Variants in RSPO2 observed in about 807,000 individuals in gnomAD.
RSPO2 encodes R-spondin-2.
RSPO2 carries 14 observed loss-of-function variants against 30.9 expected under a neutral mutation model. The observed-to-expected ratio is 0.45, with a 90% CI of 0.30 to 0.71. RSPO2 has a LOEUF of 0.71. RSPO2 is among the 30% of genes least tolerant of loss of function. RSPO2 has a pLI of 0.08. For synonymous variants in RSPO2, 107 were observed against 96.4 expected, an observed-to-expected ratio of 1.11 and a Z score of -0.64; for missense variants, 264 against 301.9, an observed-to-expected ratio of 0.87 and a Z score of 0.93.
chr8:107,969,084 G>A (rs942722168), intron 3 of RSPO2, among the ~76,000 whole-genome samples: 1 of 152,094 alleles, frequency 6.6e-6, no homozygotes, highest in African/African-American at 2.4e-5. Context: ...GACCTGGGGT[G>A]TGGGGACAGA....
chr8:107,974,098 C>T (rs970303083), intron 3 of RSPO2, among the ~76,000 whole-genome samples: 3 of 152,048 alleles, frequency 2.0e-5, no homozygotes, highest in African/African-American at 7.2e-5. Flanking sequence ...TACAGGGGTG[C>T]CAACTTCATA....
chr8:108,015,473 T>C (rs1023423754), intron 2 of RSPO2, among the ~76,000 whole-genome samples: 1 of 152,128 alleles, frequency 6.6e-6, no homozygotes, highest in African/African-American at 2.4e-5. Flanking sequence ...GAGCAAACAG[T>C]AGTCGGGTTC....
At chr8:108,014,286 G>A (rs1163644612) in intron 2 of RSPO2, among the ~76,000 whole-genome samples, 2 of 152,120 alleles carry the variant, frequency 1.3e-5, no homozygotes, top group African/African-American at 2.4e-5. Flanking sequence ...AGAGTGTGGC[G>A]ATTCCTCAAG....
chr8:108,064,347 C>A (rs1347194539), intron 2 of RSPO2, among the ~76,000 whole-genome samples: 1 of 152,096 alleles, frequency 6.6e-6, no homozygotes, highest in Non-Finnish European at 1.5e-5. Context: ...ACAACCCCAT[C>A]CAAAAGTGGG....
At chr8:108,020,157 G>A (rs945371838) in intron 2 of RSPO2, among the ~76,000 whole-genome samples, 34 of 151,398 alleles carry the variant, frequency 2.2e-4, no homozygotes, top group Middle Eastern at 3.2e-3. Context: ...ACCTCTCAGG[G>A]AACAAAAACT....
At chr8:108,003,574 A>G (rs150410138) in intron 2 of RSPO2, among the ~76,000 whole-genome samples, 3 of 151,904 alleles carry the variant, frequency 2.0e-5, no homozygotes, top group African/African-American at 7.2e-5. Context: ...GACCGACCCA[A>G]TTTGAAATCT....
intron 2 of RSPO2, among the ~76,000 whole-genome samples, chr8:108,037,090 A>G (rs1811622172): frequency 6.6e-6 from 1 of 152,198 alleles, no homozygotes. Context: ...GAGGAGTCCT[A>G]TATCTCTCAC....
At chr8:108,063,586 C>T (rs550981209) in intron 2 of RSPO2, among the ~76,000 whole-genome samples, 1 of 151,856 alleles carries the variant, frequency 6.6e-6, no homozygotes, top group East Asian at 1.9e-4. Flanking sequence ...GAATCAATAT[C>T]ATGAAAATGG....
intron 2 of RSPO2, among the ~76,000 whole-genome samples, chr8:108,062,946 A>G (rs1339941360): frequency 3.3e-5 from 5 of 151,924 alleles, no homozygotes; most frequent in Admixed American, 2.6e-4. Flanking sequence ...CATTATCTCA[A>G]TAGATGCAGA....
chr8:107,909,903 A>C (rs1811768422), intron 5 of RSPO2, among the ~76,000 whole-genome samples: 1 of 152,154 alleles, frequency 6.6e-6, no homozygotes, highest in Non-Finnish European at 1.5e-5. Context: ...ATTTTCATTT[A>C]ATTGAATGTT....
At chr8:107,979,360 G>A (rs1018938502) in intron 3 of RSPO2, among the ~76,000 whole-genome samples, 3 of 152,170 alleles carry the variant, frequency 2.0e-5, no homozygotes, top group Admixed American at 2.0e-4. Context: ...CATAAAAAAG[G>A]ATGAGTTCAT....
chr8:108,022,109 T>G (rs914855269), intron 2 of RSPO2, among the ~76,000 whole-genome samples: 4 of 152,176 alleles, frequency 2.6e-5, no homozygotes, highest in Admixed American at 2.6e-4. Flanking sequence ...CCCTCCAGTA[T>G]GTGCTTTAGG....
In RSPO2 at chr8:108,041,529, T is replaced by C. The variant is rs570784655; in HGVS notation, c.94+41016A>G. 3.9e-5 allele frequency among the ~76,000 whole-genome samples: 6 copies of C among 152,070 alleles called. No individual in the cohort carries two copies. In the East Asian group the frequency reaches 7.7e-4, roughly 20 times the overall value. ...GAAGAAAAAAATAAATTTAGAAGAA[T>C]TGATGAATAAAGCAGCTTTTAAGAA... On this transcript the variant is annotated intron_variant, in intron 2 of 5. Transcript: ENST00000276659.
chr8:108,026,521 A>G lies in RSPO2; in HGVS notation c.95-37277T>C, dbSNP rs761382638. Among the ~76,000 whole-genome samples, 3 of 152,242 alleles carry G rather than the reference A, an allele frequency of 2.0e-5. No homozygotes were observed. In the South Asian group the frequency reaches 6.2e-4, roughly 32 times the overall value. On this transcript the variant is annotated intron_variant, in intron 2 of 5. Transcript: ENST00000276659. ...TGAGAATCATGTCTCCAACTTATAA[A>G]ATTTCAGAAAAAATAGAGAAATATA...
At chr8:108,082,356 C>T (rs1463675245) in intron 2 of RSPO2, among the ~76,000 whole-genome samples, 189 bp downstream of exon 2, 1 of 152,190 alleles carries the variant, frequency 6.6e-6, no homozygotes, top group Non-Finnish European at 1.5e-5. Context: ...CTCCCCGCGC[C>T]TCCAGGGTAC....
rs113177365 is a variant in RSPO2 at position 107,988,692 on chromosome 8, A to G, written c.283+364T>C. ...GCCCAGGCTAGAGCACAGCGGTGCT[A>G]TCTCAGCTCACTGCAACCTCCGCCT... is the stretch of plus-strand genomic sequence containing the variant. On this transcript the variant is annotated intron_variant, in intron 3 of 5. Coordinates refer to ENST00000276659, the MANE Select transcript of RSPO2 (RefSeq NM_178565.5). Among the ~76,000 whole-genome samples the G allele has an allele frequency of 6.8e-3, 1,035 of 152,168 alleles. 15 individuals carry two copies. Among genetic ancestry groups the G allele is most frequent in the African/African-American group, 0.023 (965 of 41,510 alleles).
chr8:107,960,092 T>C (rs1189868107), intron 4 of RSPO2, among the ~76,000 whole-genome samples: 2 of 152,144 alleles, frequency 1.3e-5, no homozygotes, highest in Non-Finnish European at 2.9e-5. Context: ...CAAGGTATTT[T>C]ACCAACTCTC....
intron 2 of RSPO2, among the ~76,000 whole-genome samples, chr8:108,042,688 A>T (rs890838935): frequency 1.3e-5 from 2 of 152,138 alleles, no homozygotes; most frequent in Non-Finnish European, 2.9e-5. Flanking sequence ...GTGCTTCAGG[A>T]GGATTCACTA....
intron 2 of RSPO2, among the ~76,000 whole-genome samples, chr8:107,993,483 C>G (rs986874033): frequency 6.6e-6 from 1 of 152,090 alleles, no homozygotes; most frequent in Non-Finnish European, 1.5e-5. Context: ...AGAGCATGCT[C>G]TAGATAATTT....
Sources: gnomAD v4.1 joint callset for allele counts (sites outside exome capture counted in the v4.1 genomes callset) on GRCh38, gnomAD v4.1.1 for gene constraint, MANE v1.5 for transcripts, NCBI Gene and HGNC (gene_info 2026-07-23, HGNC 2026-07-21) for gene names.